Variants in RBFOX1 observed in about 807,000 individuals in gnomAD.
The protein encoded by RBFOX1 is RNA binding fox-1 homolog 1.
RBFOX1 carries 8 observed loss-of-function variants against 57.7 expected under a neutral mutation model. The ratio of observed to expected loss-of-function variants is 0.14; its 90% confidence interval spans 0.08 to 0.25. The LOEUF is 0.25. Among genes scored for constraint, RBFOX1 ranks in the 10% least tolerant of loss-of-function variants. The pLI, the probability that RBFOX1 is intolerant of heterozygous loss-of-function variation, is 1.00. For missense variants in RBFOX1, 611 were observed against 548.5 expected (o/e 1.11, Z -1.14); for synonymous variants, 326 against 222.4 (o/e 1.47, Z -4.15).
intron 3 of RBFOX1, chr16:6,873,780 G>C (rs2061356182): frequency 6.6e-6 from 1 of 152,082 alleles, no homozygotes; most frequent in Non-Finnish European, 1.5e-5. Flanking sequence ...AATTATTGCA[G>C]CAACTCTGTG....
chr16:6,490,650 C>T (rs1044350641), intron 2 of RBFOX1, among the ~76,000 whole-genome samples: 9 of 152,024 alleles, frequency 5.9e-5, no homozygotes, highest in Admixed American at 5.2e-4. Context: ...TTTTTTTATA[C>T]AAGAAAGAAA....
intron 1 of RBFOX1, among the ~76,000 whole-genome samples, chr16:6,082,702 G>A (rs1383885254): frequency 6.6e-6 from 1 of 152,086 alleles, no homozygotes; most frequent in African/African-American, 2.4e-5. Context: ...CCAAGGAAGG[G>A]ACAATGTTCT....
At chr16:6,603,468 C>T (rs570681454) in intron 2 of RBFOX1, among the ~76,000 whole-genome samples, 86 of 152,242 alleles carry the variant, frequency 5.6e-4, no homozygotes, top group Admixed American at 4.3e-3. Flanking sequence ...ATTTAAGAAC[C>T]TTGCTCTTGC....
chr16:5,736,529 C>T (rs1376342923), intron 3 of RBFOX1, among the ~76,000 whole-genome samples: 1 of 152,130 alleles, frequency 6.6e-6, no homozygotes, highest in African/African-American at 2.4e-5. Context: ...CACCCTGTTT[C>T]CTGGATGCCT....
At chr16:7,508,840 A>C (rs1225843651) in intron 4 of RBFOX1, among the ~76,000 whole-genome samples, 1 of 152,182 alleles carries the variant, frequency 6.6e-6, no homozygotes, top group East Asian at 1.9e-4. Context: ...AACCCCATCC[A>C]TTCCTTCCAG....
At chr16:7,636,671 A>G (rs1250361492) in intron 11 of RBFOX1, among the ~76,000 whole-genome samples, 1 of 152,206 alleles carries the variant, frequency 6.6e-6, no homozygotes, top group Admixed American at 6.5e-5. Context: ...ATAACAAAAT[A>G]CCGTAGACTG....
At chr16:6,338,578 A>T (rs78969807) in intron 2 of RBFOX1, among the ~76,000 whole-genome samples, 2,360 of 152,336 alleles carry the variant, frequency 0.015, 62 homozygotes, top group African/African-American at 0.052. Flanking sequence ...AAACTTGGTC[A>T]CTGGATGAAA....
At chr16:7,312,985 G>A (rs2096352356) in intron 4 of RBFOX1, among the ~76,000 whole-genome samples, 2 of 152,022 alleles carry the variant, frequency 1.3e-5, no homozygotes, top group Admixed American at 1.3e-4. Context: ...GGATGGACCG[G>A]GGAAGCTGAC....
At chr16:7,420,590 T>C (rs998928774) in intron 4 of RBFOX1, among the ~76,000 whole-genome samples, 1 of 152,088 alleles carries the variant, frequency 6.6e-6, no homozygotes, top group African/African-American at 2.4e-5. Context: ...GTATCTTTTT[T>C]TTTCTTTCCC....
At chr16:6,189,316 C>G (rs1040972813) in intron 1 of RBFOX1, among the ~76,000 whole-genome samples, 1 of 152,230 alleles carries the variant, frequency 6.6e-6, no homozygotes, top group Non-Finnish European at 1.5e-5. Flanking sequence ...CATCAGGACA[C>G]TGAGTGCCAT....
intron 2 of RBFOX1, among the ~76,000 whole-genome samples, chr16:6,407,383 A>T (rs1012497903): frequency 1.3e-5 from 2 of 151,962 alleles, no homozygotes; most frequent in Non-Finnish European, 2.9e-5. Context: ...CTTTACCTAT[A>T]CCTATATGTA....
chr16:5,945,438 C>T (rs1250015416), intron 4 of RBFOX1, among the ~76,000 whole-genome samples: 5 of 152,156 alleles, frequency 3.3e-5, no homozygotes, highest in African/African-American at 9.7e-5. Flanking sequence ...TATGCTTCGC[C>T]CCAGATCTAG....
At chr16:7,219,423 A>C (rs1235917452) in intron 4 of RBFOX1, among the ~76,000 whole-genome samples, 3 of 152,148 alleles carry the variant, frequency 2.0e-5, no homozygotes, top group Non-Finnish European at 4.4e-5. Flanking sequence ...AGCATAGTTG[A>C]AAGTTTGGGG....
chr16:5,507,131 G>A (rs1339772967), intron 2 of RBFOX1, among the ~76,000 whole-genome samples: 2 of 152,146 alleles, frequency 1.3e-5, no homozygotes, highest in East Asian at 3.9e-4. Context: ...TTGATAAGTA[G>A]CTACTTGGGT....
chr16:7,137,190 G>C (rs1254856612), intron 4 of RBFOX1, among the ~76,000 whole-genome samples: 1 of 152,200 alleles, frequency 6.6e-6, no homozygotes, highest in African/African-American at 2.4e-5. Context: ...AATCTTTACT[G>C]AGCTAGCTGG....
chr16:5,259,020 G>A (rs561923608), intron 1 of RBFOX1, among the ~76,000 whole-genome samples: 67 of 152,234 alleles, frequency 4.4e-4, no homozygotes, highest in African/African-American at 1.5e-3. Flanking sequence ...GGAGGAGGGG[G>A]TGACCTTCAG....
intron 4 of RBFOX1, among the ~76,000 whole-genome samples, chr16:7,443,804 C>G (rs766352868): frequency 6.6e-6 from 1 of 152,066 alleles, no homozygotes; most frequent in Non-Finnish European, 1.5e-5. Flanking sequence ...ATTACAAAAC[C>G]GAAGTACAGA....
At chr16:6,676,127 GACACACACACACGCGCACACAC>G (rs2057606193) in intron 3 of RBFOX1, among the ~76,000 whole-genome samples, 1 of 125,492 alleles carries the variant, frequency 8.0e-6, no homozygotes, top group African/African-American at 3.2e-5. Context: ...CTGCCTAGGG[GACACACACACACGCGCACACAC>G]ACACACACAC....
At chr16:5,908,465 G>A (rs1350349403) in intron 4 of RBFOX1, among the ~76,000 whole-genome samples, 1 of 151,570 alleles carries the variant, frequency 6.6e-6, no homozygotes, top group Non-Finnish European at 1.5e-5. Context: ...TGATTCTTCT[G>A]CCTCAGCTTC....
Sources: allele counts gnomAD v4.1 joint callset (sites outside exome capture counted in the v4.1 genomes callset), GRCh38; gene constraint gnomAD v4.1.1; transcripts MANE v1.5; gene names NCBI Gene and HGNC (gene_info 2026-07-23, HGNC 2026-07-21).